PLSCR1: variants seen among roughly 807,000 people sequenced by gnomAD.
The protein encoded by PLSCR1 is PL scramblase 1.
A neutral mutation model predicts 37.8 loss-of-function variants in PLSCR1; 17 were observed. The observed-to-expected ratio is 0.45, with a 90% CI of 0.31 to 0.68. PLSCR1 has a LOEUF of 0.68. Among genes scored for constraint, PLSCR1 ranks in the 30% least tolerant of loss-of-function variants. PLSCR1 has a pLI of 0.06. For missense variants in PLSCR1, 347 were observed against 380.9 expected, an observed-to-expected ratio of 0.91 and a Z score of 0.74; for synonymous variants, 116 against 125.9, an observed-to-expected ratio of 0.92 and a Z score of 0.53.
intron 1 of PLSCR1, among the ~76,000 whole-genome samples, chr3:146,537,828 T>A (rs907881764): frequency 2.6e-5 from 4 of 152,186 alleles, no homozygotes; most frequent in Admixed American, 6.5e-5. Context: ...TATGATGTCA[T>A]CACTGCATTC....
intron 1 of PLSCR1, chr3:146,540,739 G>A (rs2044327612): frequency 6.6e-6 from 1 of 152,024 alleles, no homozygotes; most frequent in African/African-American, 2.4e-5. Flanking sequence ...AATTATGTTA[G>A]CAAAATTCTA....
intron 5 of PLSCR1, 132 bp from the exon 6 acceptor site, chr3:146,522,185 T>C: frequency 3.0e-6 from 2 of 656,882 alleles, no homozygotes; most frequent in East Asian, 2.7e-5. Context: ...AGAAATGATG[T>C]TTAGAGATGA....
In PLSCR1 at chr3:146,516,652, T is replaced by C. The variant is rs1435548279; in HGVS notation, c.900+354A>G. ...GGTTTAATTTAATTACTATGAGTCA[T>C]GGTAAAGTTTCCTTGTTTCACTAAA... On this transcript the variant is annotated intron_variant, in intron 8 of 8. Transcript: ENST00000342435. 2.2e-5 allele frequency: 4 copies of C among 183,660 alleles called. No individual in the cohort carries two copies. The East Asian group carries it at 4.9e-4, about 23-fold the overall frequency. 11.4% of individuals were successfully genotyped at this position (183,660 alleles called of 1,614,324 possible).
At chr3:146,536,445 T>C in intron 2 of PLSCR1, 95 bp downstream of exon 2, 1 of 752,858 alleles carries the variant, frequency 1.3e-6, no homozygotes, top group South Asian at 1.5e-5. Flanking sequence ...AATTATACAC[T>C]TTCAGACACT....
chr3:146,516,611 T>C lies in PLSCR1; in HGVS notation c.900+395A>G, dbSNP rs190524458. 195 of 172,922 alleles carry C rather than the reference T, an allele frequency of 1.1e-3. 1 individual carries two copies. Among genetic ancestry groups the C allele is most frequent in the Non-Finnish European group, 5.8e-4 (48 of 82,856 alleles). The allele number at this position is 172,922 out of a possible 1,614,324, so 10.7% of individuals were successfully genotyped here. ...GAATGTACACTCTTATTGTACTTCA[T>C]ACTCCTATATTAGATGGTTTAATTT... On this transcript the variant is annotated intron_variant, in intron 8 of 8. Transcript: ENST00000342435.
chr3:146,521,665 A>G lies in PLSCR1; in HGVS notation c.617T>C (p.Val206Ala). The change falls in exon 7 of 9, where the codon GTT (valine) becomes GCT (alanine). Residue 206 changes from valine to alanine, a missense_variant. Transcript: ENST00000342435. ...TAGACATGGGTGCCAAGTCTGAATA[A>G]CATAACCTATTGGTACACCAGGAGG... ...QAPPGVPIGY[V>A]IQTWHPCLPK... 1 of 1,613,588 alleles carries G rather than the reference A, an allele frequency of 6.2e-7. No individual in the cohort carries two copies. Among genetic ancestry groups the G allele is most frequent in the Non-Finnish European group, 8.5e-7 (1 of 1,179,526 alleles).
intron 4 of PLSCR1, 31 bp from the exon 5 acceptor site, chr3:146,525,678 A>G (rs762799620): frequency 2.7e-6 from 3 of 1,107,298 alleles, no homozygotes; most frequent in Non-Finnish European, 4.0e-6. Context: ...AGTGGTATGT[A>G]TATGTCAAAT....
At chr3:146,535,299 G>C (rs371627202) in intron 2 of PLSCR1, among the ~76,000 whole-genome samples, 51 of 152,134 alleles carry the variant, frequency 3.4e-4, no homozygotes, top group Middle Eastern at 3.4e-3. Flanking sequence ...GAAATCATGA[G>C]CTCACAATCT....
chr3:146,528,060 T>C (rs2044143851), intron 4 of PLSCR1: 1 of 152,248 alleles, frequency 6.6e-6, no homozygotes, highest in Admixed American at 6.5e-5. Flanking sequence ...ATATTATACA[T>C]AAAATATTAA....
Position 146,525,609 on chromosome 3 carries a change from C to T in PLSCR1, c.351G>A (p.Leu117=). 1 of 1,501,994 alleles carries T rather than the reference C, an allele frequency of 6.7e-7. No homozygotes were observed. Among genetic ancestry groups the T allele is most frequent in the South Asian group, 1.1e-5 (1 of 87,668 alleles). The allele number at this position is 1,501,994 out of a possible 1,614,324, so 93.0% of individuals were successfully genotyped here. A position where few individuals can be genotyped will look rare whatever the true frequency, so the allele number is the denominator to read the frequency against. ...QILIHQQIEL[L]EVLTGFETNN... ...ATTAAAACAATGAATACATACCTTC[C>T]AGAAGTTCAATTTGCTGATGAATCA... is the stretch of plus-strand genomic sequence containing the variant. Residue 117 remains leucine, a synonymous_variant, in exon 5 of 9, where the codon CTG becomes CTA. Coordinates refer to ENST00000342435, the MANE Select transcript of PLSCR1 (RefSeq NM_021105.3).
chr3:146,516,438 G>A (rs573631738), intron 8 of PLSCR1: 117 of 194,880 alleles, frequency 6.0e-4, no homozygotes, highest in Non-Finnish European at 2.5e-4. Context: ...TATGAACTTC[G>A]AAGTTTCTGA....
chr3:146,525,381 C>A (rs1050658108), intron 5 of PLSCR1: 8 of 464,198 alleles, frequency 1.7e-5, no homozygotes, highest in African/African-American at 1.4e-4. Context: ...TATTTTCCTT[C>A]TAAGTTAGTG....
At chr3:146,543,459 T>C (rs934469227) in intron 1 of PLSCR1, among the ~76,000 whole-genome samples, 2 of 152,238 alleles carry the variant, frequency 1.3e-5, no homozygotes, top group Non-Finnish European at 2.9e-5. Flanking sequence ...AAAGGTTTGC[T>C]CTTAGAAAAA....
chr3:146,523,946 A>G, intron 5 of PLSCR1, among the ~76,000 whole-genome samples: 1 of 152,214 alleles, frequency 6.6e-6, no homozygotes, highest in South Asian at 2.1e-4. Flanking sequence ...TATATGGAGG[A>G]AAAGTCACTC....
chr3:146,541,279 T>C (rs900147460), intron 1 of PLSCR1: 4 of 152,206 alleles, frequency 2.6e-5, no homozygotes, highest in African/African-American at 9.7e-5. Flanking sequence ...ATACATCAAC[T>C]AGGACCAAGT....
At chr3:146,540,358 G>T (rs1419483850) in intron 1 of PLSCR1, among the ~76,000 whole-genome samples, 1 of 152,092 alleles carries the variant, frequency 6.6e-6, no homozygotes, top group Admixed American at 6.6e-5. Context: ...AGTTCCCATT[G>T]CTTCTCTGGA....
intron 3 of PLSCR1, among the ~76,000 whole-genome samples, chr3:146,532,725 C>A (rs1421157201): frequency 2.0e-5 from 3 of 152,140 alleles, no homozygotes; most frequent in Non-Finnish European, 4.4e-5. Context: ...ATGTGGGTAG[C>A]CTGTCTGCTT....
intron 7 of PLSCR1, 66 bp from the exon 8 acceptor site, chr3:146,517,233 G>T: frequency 1.2e-6 from 1 of 868,620 alleles, no homozygotes; most frequent in Non-Finnish European, 1.7e-6. Context: ...TTTCAAATTT[G>T]AAGTAAGATG....
intron 7 of PLSCR1, 32 bp downstream of exon 7, chr3:146,521,512 G>T (rs773550237): frequency 6.3e-7 from 1 of 1,584,390 alleles, no homozygotes; most frequent in South Asian, 1.1e-5. Context: ...TATTAGGAAA[G>T]CAAATCTTAT....
Sources: gnomAD v4.1 joint callset for allele counts (sites outside exome capture counted in the v4.1 genomes callset) on GRCh38, gnomAD v4.1.1 for gene constraint, MANE v1.5 for transcripts, NCBI Gene and HGNC (gene_info 2026-07-23, HGNC 2026-07-21) for gene names.